The following HECW2 variants were observed in gnomAD, a reference collection of about 807,000 sequenced individuals.
HECW2 encodes the protein E3 ubiquitin-protein ligase HECW2.
HECW2 carries 61 observed loss-of-function variants against 175.2 expected under a neutral mutation model. The observed-to-expected ratio is 0.35, with a 90% CI of 0.28 to 0.43. The LOEUF is 0.43. Among genes scored for constraint, HECW2 ranks in the 20% least tolerant of loss-of-function variants. The probability of loss-of-function intolerance (pLI) is 1.00; values close to 1 mark genes in which losing one functional copy is unlikely to be tolerated. For missense variants in HECW2, 1,524 were observed against 2,000.5 expected (o/e 0.76, Z 4.54); for synonymous variants, 671 against 731.0 (o/e 0.92, Z 1.32).
chr2:196,517,834 T>C (rs1688205491), intron 1 of HECW2, among the ~76,000 whole-genome samples: 1 of 151,812 alleles, frequency 6.6e-6, no homozygotes, highest in Non-Finnish European at 1.5e-5. Context: ...CTCCCCAGAG[T>C]TTCAGGATAC....
chr2:196,429,566 C>T (rs1041690342), intron 2 of HECW2, among the ~76,000 whole-genome samples: 1 of 152,164 alleles, frequency 6.6e-6, no homozygotes, highest in African/African-American at 2.4e-5. Flanking sequence ...GACTAGCTTT[C>T]CCAATGTACA....
Position 196,200,571 on chromosome 2 carries a change from A to G in HECW2, c.*706T>C, listed in dbSNP as rs1686823739. The stretch of plus-strand genomic sequence containing the variant: ...GTGATTAATTGCTAGTTATTTTAAA[A>G]TTGTTTTCATGCATTATAAAGCATA... On this transcript the variant is annotated 3_prime_UTR_variant, in exon 29 of 29. Coordinates refer to ENST00000644978, the MANE Select transcript of HECW2 (RefSeq NM_001348768.2). The G allele has an allele frequency of 6.6e-6, 1 of 152,636 alleles. No homozygotes were observed. Among genetic ancestry groups the G allele is most frequent in the Non-Finnish European group, 1.5e-5 (1 of 68,030 alleles). 9.5% of individuals were successfully genotyped at this position (152,636 alleles called of 1,614,324 possible).
At chr2:196,578,337 A>G (rs1317995516) in intron 1 of HECW2, among the ~76,000 whole-genome samples, 1 of 152,168 alleles carries the variant, frequency 6.6e-6, no homozygotes, top group Non-Finnish European at 1.5e-5. Context: ...AAAGAAAAAG[A>G]ACAAAGAAAA....
At chr2:196,391,215 C>T (rs1381700218) in intron 2 of HECW2, among the ~76,000 whole-genome samples, 5 of 152,194 alleles carry the variant, frequency 3.3e-5, no homozygotes, top group South Asian at 4.1e-4. Context: ...TAGCTCTCTC[C>T]GTAACCCAGG....
At position 196,317,306 on chromosome 2, in the gene HECW2, C is replaced by T. The variant is rs775078362; in HGVS notation, c.2402G>A (p.Arg801Gln). Residue 801 changes from arginine (R) to glutamine (Q), a missense_variant, in exon 10 of 29, where the codon CGG becomes CAG. Transcript: ENST00000644978. ...SLPSVRQDVS[R>Q]YQRVDEALPP... ...GAGAGCCTCGTCCACCCTCTGGTAC[C>T]GGCTAACATCCTGGCGCACTGAAGG... 17 of 1,613,330 alleles carry T rather than the reference C, an allele frequency of 1.1e-5. No individual in the cohort carries two copies. The highest frequency in any genetic ancestry group is 2.7e-5 in the African/African-American group (2 of 74,886).
At chr2:196,514,826 G>A (rs1688092702) in intron 1 of HECW2, among the ~76,000 whole-genome samples, 1 of 152,206 alleles carries the variant, frequency 6.6e-6, no homozygotes, top group South Asian at 2.1e-4. Flanking sequence ...TCTCTGCCTT[G>A]CTCACCCTCC....
intron 1 of HECW2, among the ~76,000 whole-genome samples, chr2:196,589,529 T>C (rs1691107681): frequency 6.6e-6 from 1 of 152,134 alleles, no homozygotes; most frequent in Non-Finnish European, 1.5e-5. Context: ...GACCCCTCTG[T>C]ATGAAAAGCT....
At chr2:196,487,611 G>A (rs1354335371) in intron 1 of HECW2, among the ~76,000 whole-genome samples, 9 of 152,104 alleles carry the variant, frequency 5.9e-5, no homozygotes, top group Admixed American at 1.3e-4. Context: ...GGGGTGCCTC[G>A]CATTACATCC....
chr2:196,363,056 A>G lies in HECW2; in HGVS notation c.293-19292T>C, dbSNP rs372384015. ...TTGCCCTGAAGCTTCGAAGGGCCAC[A>G]GAGCTTTGGGCTGATTCTGGAATTG... On this transcript the variant is annotated intron_variant, in intron 2 of 28. Coordinates refer to ENST00000644978, the MANE Select transcript of HECW2 (RefSeq NM_001348768.2). Among the ~76,000 whole-genome samples, 6 of 152,280 alleles carry G rather than the reference A, an allele frequency of 3.9e-5. No individual in the cohort carries two copies. The East Asian group carries it at 1.2e-3, about 29-fold the overall frequency.
intron 2 of HECW2, among the ~76,000 whole-genome samples, chr2:196,345,603 T>C (rs1692927538): frequency 1.3e-5 from 2 of 152,248 alleles, no homozygotes; most frequent in Admixed American, 6.5e-5. Context: ...CATTGAGCCC[T>C]GACCCACCTG....
intron 1 of HECW2, among the ~76,000 whole-genome samples, chr2:196,571,675 T>TG (rs1455461995): frequency 6.6e-6 from 1 of 151,832 alleles, no homozygotes. Flanking sequence ...CACTCCGGCC[T>TG]GGGCAATGGG....
At chr2:196,345,436 G>C (rs1238741481) in intron 2 of HECW2, among the ~76,000 whole-genome samples, 4 of 152,158 alleles carry the variant, frequency 2.6e-5, no homozygotes, top group Non-Finnish European at 5.9e-5. Flanking sequence ...AAATGTAAGT[G>C]GAAGTCTACT....
At chr2:196,472,481 CA>C (rs538116476) in intron 1 of HECW2, among the ~76,000 whole-genome samples, 8,958 of 71,444 alleles carry the variant, frequency 0.13, 356 homozygotes, top group African/African-American at 0.27. Context: ...GAGACTCCGT[CA>C]AAAAAAAAAA....
chr2:196,298,352 AAAAG>A (rs1057429837), intron 13 of HECW2, among the ~76,000 whole-genome samples: 11 of 152,162 alleles, frequency 7.2e-5, no homozygotes, highest in African/African-American at 2.7e-4. Context: ...ACAATGCAAA[AAAAG>A]AAAGAAAAAA....
chr2:196,442,462 T>A (rs1057195409), intron 1 of HECW2, among the ~76,000 whole-genome samples: 6 of 152,054 alleles, frequency 3.9e-5, no homozygotes, highest in Admixed American at 2.0e-4. Flanking sequence ...GGCTCTACCC[T>A]AAGGAAAGAA....
At chr2:196,424,916 G>A (rs2125252836) in intron 2 of HECW2, among the ~76,000 whole-genome samples, 1 of 152,254 alleles carries the variant, frequency 6.6e-6, no homozygotes, top group African/African-American at 2.4e-5. Flanking sequence ...GCCTTCTATT[G>A]GAAGAAGATG....
At chr2:196,298,495 C>T (rs540765984) in intron 13 of HECW2, among the ~76,000 whole-genome samples, 2 of 151,368 alleles carry the variant, frequency 1.3e-5, no homozygotes, top group East Asian at 3.9e-4. Flanking sequence ...TTTTTTTTTA[C>T]ATTTATTATT....
chr2:196,283,783 G>T (rs182314827), intron 14 of HECW2, among the ~76,000 whole-genome samples: 1 of 152,270 alleles, frequency 6.6e-6, no homozygotes, highest in East Asian at 1.9e-4. Flanking sequence ...GCAGAGGAAA[G>T]ACAGTCTCTC....
At chr2:196,448,813 G>A (rs1030350114) in intron 1 of HECW2, among the ~76,000 whole-genome samples, 5 of 152,210 alleles carry the variant, frequency 3.3e-5, no homozygotes, top group Admixed American at 6.5e-5. Flanking sequence ...TGATAAGCAG[G>A]CATAATTAAA....
Sources: allele counts gnomAD v4.1 joint callset (sites outside exome capture counted in the v4.1 genomes callset), GRCh38; gene constraint gnomAD v4.1.1; transcripts MANE v1.5; gene names NCBI Gene and HGNC (gene_info 2026-07-23, HGNC 2026-07-21).